MINDY2: variants seen among roughly 807,000 people sequenced by gnomAD.
The protein encoded by MINDY2 is ubiquitin carboxyl-terminal hydrolase MINDY-2.
MINDY2 carries 52 observed loss-of-function variants against 68.2 expected under a neutral mutation model. That is an observed-to-expected ratio of 0.76 (90% CI 0.61 to 0.96). MINDY2 has a LOEUF of 0.96. Ranked by LOEUF, MINDY2 falls within the 40% of genes least tolerant of loss-of-function variation. MINDY2 has a pLI of 0.00. For missense variants in MINDY2, 881 were observed against 773.4 expected (o/e 1.14, Z -1.65); for synonymous variants, 372 against 303.0 (o/e 1.23, Z -2.36).
In MINDY2 at chr15:58,810,440, A is replaced by T. The variant is rs771707903; in HGVS notation, c.1122+52A>T. 4.9e-6 allele frequency: 7 copies of T among 1,417,348 alleles called. No individual in the cohort carries two copies. In the East Asian group the frequency reaches 1.8e-4, roughly 36 times the overall value. The allele number at this position is 1,417,348 out of a possible 1,614,324, so 87.8% of individuals were successfully genotyped here. On this transcript the variant is annotated intron_variant, in intron 4 of 8. Coordinates refer to ENST00000559228, the MANE Select transcript of MINDY2 (RefSeq NM_001040450.3). ...AACACAAATACAGGAAAAATGTATT[A>T]ATTTGGCAAATTAATCTCAATTTAT...
chr15:58,809,223 C>A (rs904835671), intron 3 of MINDY2, among the ~76,000 whole-genome samples: 5 of 151,798 alleles, frequency 3.3e-5, no homozygotes, highest in Non-Finnish European at 7.4e-5. Context: ...ATCAAACAAC[C>A]CCCCTTTTCC....
chr15:58,848,692 G>A (rs2032660056), intron 7 of MINDY2, among the ~76,000 whole-genome samples: 1 of 152,178 alleles, frequency 6.6e-6, no homozygotes, highest in Admixed American at 6.6e-5. Context: ...CTTGCAGCGA[G>A]CCGAGATCGT....
intron 5 of MINDY2, among the ~76,000 whole-genome samples, chr15:58,828,257 C>A (rs185520787): frequency 6.6e-6 from 1 of 151,776 alleles, no homozygotes; most frequent in Non-Finnish European, 1.5e-5. Context: ...GGAAAAAATA[C>A]ATTAATGTAT....
At chr15:58,839,405 C>T (rs2141038448) in intron 6 of MINDY2, among the ~76,000 whole-genome samples, 1 of 152,174 alleles carries the variant, frequency 6.6e-6, no homozygotes, top group South Asian at 2.1e-4. Context: ...AATCTTGGCT[C>T]ACTGCAACCT....
Position 58,853,298 on chromosome 15 carries a change from G to C in MINDY2, c.1738-1184G>C, listed in dbSNP as rs114416931. Among the ~76,000 whole-genome samples, 708 of 151,956 alleles carry C rather than the reference G, an allele frequency of 4.7e-3. 9 individuals carry two copies. The highest frequency in any genetic ancestry group is 0.017 in the African/African-American group (689 of 41,450). Reference sequence around the variant, plus strand: ...AGATACATAAGAAATTCTGATTTGGGCATACAAGAAAGCAAGATGCCCTTT... The same window carrying C: ...AGATACATAAGAAATTCTGATTTGGCCATACAAGAAAGCAAGATGCCCTTT... On this transcript the variant is annotated intron_variant, in intron 8 of 8. Coordinates refer to ENST00000559228, the MANE Select transcript of MINDY2 (RefSeq NM_001040450.3).
chr15:58,772,746 C>A (rs1198234480), intron 1 of MINDY2, among the ~76,000 whole-genome samples: 5 of 152,124 alleles, frequency 3.3e-5, no homozygotes, highest in Non-Finnish European at 7.4e-5. Context: ...TAGACAAATT[C>A]CATTTAAGGA....
At chr15:58,830,921 T>A (rs1266902502) in intron 5 of MINDY2, among the ~76,000 whole-genome samples, 2 of 151,898 alleles carry the variant, frequency 1.3e-5, no homozygotes, top group African/African-American at 4.8e-5. Flanking sequence ...ATGCTGCAAG[T>A]ATTGATTTGG....
At chr15:58,798,358 C>G (rs930989429) in intron 2 of MINDY2, among the ~76,000 whole-genome samples, 1 of 150,880 alleles carries the variant, frequency 6.6e-6, no homozygotes, top group East Asian at 2.0e-4. Context: ...AACTCCTGAC[C>G]TCGTGATCCA....
intron 3 of MINDY2, among the ~76,000 whole-genome samples, chr15:58,802,794 G>A (rs1902753783): frequency 6.6e-6 from 1 of 152,126 alleles, no homozygotes; most frequent in South Asian, 2.1e-4. Flanking sequence ...TATGTCATTA[G>A]GACAAGTTTT....
chr15:58,794,926 G>A (rs1485239283), intron 2 of MINDY2, among the ~76,000 whole-genome samples: 1 of 151,916 alleles, frequency 6.6e-6, no homozygotes, highest in East Asian at 1.9e-4. Flanking sequence ...AGTGGCTCAC[G>A]GCTGTAATCT....
Position 58,821,776 on chromosome 15 carries a change from C to A in MINDY2, c.1182C>A (p.Ile394=), listed in dbSNP as rs759696760. Reference sequence around the variant, plus strand: ...GCTACAACCAACTAGTGGAGAAGATCATCTCTTGTAAACAGTCAGACAATA... The same window carrying A: ...GCTACAACCAACTAGTGGAGAAGATAATCTCTTGTAAACAGTCAGACAATA... The part of the protein sequence containing the change: ...NCSYNQLVEK[I]ISCKQSDNSE... Residue 394 remains isoleucine (I), a synonymous_variant, in exon 5 of 9, where the codon ATC becomes ATA. Coordinates refer to ENST00000559228, the MANE Select transcript of MINDY2 (RefSeq NM_001040450.3). 1.3e-6 allele frequency: 2 copies of A among 1,589,400 alleles called. No individual in the cohort carries two copies. The highest frequency in any genetic ancestry group is 1.2e-5 in the South Asian group (1 of 85,612).
At chr15:58,844,972 A>G (rs2032464756) in intron 6 of MINDY2, among the ~76,000 whole-genome samples, 1 of 151,902 alleles carries the variant, frequency 6.6e-6, no homozygotes, top group Non-Finnish European at 1.5e-5. Flanking sequence ...AATGGGAGAA[A>G]ACATTTGCAA....
At position 58,860,312 on chromosome 15, in the gene MINDY2, T is replaced by C. The variant is rs2033181060; in HGVS notation, c.*5702T>C. 6.6e-6 allele frequency: 1 copy of C among 152,188 alleles called. No homozygotes were observed. The allele number at this position is 152,188 out of a possible 1,614,324, so 9.4% of individuals were successfully genotyped here. A position where few individuals can be genotyped will look rare whatever the true frequency, so the allele number is the denominator to read the frequency against. The stretch of plus-strand genomic sequence containing the variant: ...CTGGCCCGGTGCGGTGGCTCATGCC[T>C]GTAATCCCAGCACTTTGGGAGGCTG... On this transcript the variant is annotated 3_prime_UTR_variant, in exon 9 of 9. Transcript: ENST00000559228.
At chr15:58,810,464 A>G in intron 4 of MINDY2, 76 bp downstream of exon 4, 1 of 1,338,788 alleles carries the variant, frequency 7.5e-7, no homozygotes, top group South Asian at 1.6e-5. Context: ...ATCTCAATTT[A>G]TATTTTTTGT....
At chr15:58,779,401 CTT>C (rs1900990283) in intron 1 of MINDY2, among the ~76,000 whole-genome samples, 1 of 152,198 alleles carries the variant, frequency 6.6e-6, no homozygotes, top group Non-Finnish European at 1.5e-5. Context: ...TCCTTGATGA[CTT>C]TTTTCCCTCA....
chr15:58,811,469 A>G (rs1193311190), intron 4 of MINDY2, among the ~76,000 whole-genome samples: 2 of 152,242 alleles, frequency 1.3e-5, no homozygotes. Flanking sequence ...ACAACAAGTA[A>G]GAGATGGTGT....
intron 3 of MINDY2, 41 bp downstream of exon 3, chr15:58,802,418 T>C: frequency 7.7e-7 from 1 of 1,297,692 alleles, no homozygotes; most frequent in African/African-American, 1.5e-5. Context: ...TTTTAAAGTT[T>C]AAATATATAC....
Position 58,772,215 on chromosome 15 carries a change from G to A in MINDY2, c.820G>A (p.Val274Ile). ...CTGCCCCTTGCTGGCCATCCTCAAT[G>A]TTTTGCTCCTGGCCTGGAAGGTACA... ...GPCPLLAILN[V>I]LLLAWKVKLP... The change falls in exon 1 of 9, where the codon GTT becomes ATT. Residue 274 changes from valine to isoleucine, a missense_variant. Coordinates refer to ENST00000559228, the MANE Select transcript of MINDY2 (RefSeq NM_001040450.3). The A allele has an allele frequency of 6.2e-7, 1 of 1,612,320 alleles. No individual in the cohort carries two copies. Among genetic ancestry groups the A allele is most frequent in the Non-Finnish European group, 8.5e-7 (1 of 1,180,008 alleles).
intron 3 of MINDY2, among the ~76,000 whole-genome samples, chr15:58,809,164 A>T (rs2030040043): frequency 6.6e-6 from 1 of 152,158 alleles, no homozygotes. Flanking sequence ...GTGAGCCATG[A>T]TCATACCACT....
Sources: allele counts gnomAD v4.1 joint callset (sites outside exome capture counted in the v4.1 genomes callset), GRCh38; gene constraint gnomAD v4.1.1; transcripts MANE v1.5; gene names NCBI Gene and HGNC (gene_info 2026-07-23, HGNC 2026-07-21).